Variants in GTF2H5 observed in about 807,000 individuals in gnomAD.
GTF2H5 encodes the protein general transcription factor IIH subunit 5, also known as TFB5 ortholog.
A neutral mutation model predicts 7.1 loss-of-function variants in GTF2H5; 5 were observed. That is an observed-to-expected ratio of 0.71 (90% CI 0.37 to 1.49). The LOEUF is 1.49. GTF2H5 is among the 40% of genes most tolerant of loss of function. The pLI is 0.03. For missense variants in GTF2H5, 80 were observed against 83.0 expected (o/e 0.96, Z 0.14); for synonymous variants, 30 against 31.7 (o/e 0.95, Z 0.18).
At chr6:158,190,418 C>T (rs1431864509) in intron 2 of GTF2H5, among the ~76,000 whole-genome samples, 2 of 152,192 alleles carry the variant, frequency 1.3e-5, no homozygotes. Context: ...TTACCACCTA[C>T]ATCAAAATCA....
chr6:158,175,921 C>T (rs1785926784), intron 2 of GTF2H5, among the ~76,000 whole-genome samples: 1 of 152,156 alleles, frequency 6.6e-6, no homozygotes, highest in Non-Finnish European at 1.5e-5. Context: ...AGGGAAATGA[C>T]ACTGTACAAT....
chr6:158,175,515 A>G (rs546868466), intron 2 of GTF2H5, among the ~76,000 whole-genome samples: 1 of 152,308 alleles, frequency 6.6e-6, no homozygotes, highest in South Asian at 2.1e-4. Flanking sequence ...TGTAATCCCA[A>G]CACTTCAGGA....
At chr6:158,170,204 A>G (rs749777346) in intron 1 of GTF2H5, among the ~76,000 whole-genome samples, 3 of 152,160 alleles carry the variant, frequency 2.0e-5, no homozygotes, top group Non-Finnish European at 4.4e-5. Flanking sequence ...ACACTGGTGT[A>G]GAGTTAGGCC....
At chr6:158,191,020 G>C (rs1439425981) in intron 2 of GTF2H5, 1 of 466,694 alleles carries the variant, frequency 2.1e-6, no homozygotes, top group Non-Finnish European at 4.2e-6. Flanking sequence ...AATTGAATTT[G>C]GACCTCTTTC....
intron 2 of GTF2H5, among the ~76,000 whole-genome samples, chr6:158,188,391 G>A (rs997142802): frequency 2.0e-5 from 3 of 152,146 alleles, no homozygotes; most frequent in Non-Finnish European, 2.9e-5. Flanking sequence ...AAAAACAATG[G>A]TTTTCAAGAA....
At position 158,188,560 on chromosome 6, in the gene GTF2H5, A is replaced by G. The variant is rs377695477; in HGVS notation, c.36-3417A>G. 7.2e-5 allele frequency among the ~76,000 whole-genome samples: 11 copies of G among 152,182 alleles called. No homozygotes were observed. In the East Asian group the frequency reaches 7.7e-4, roughly 11 times the overall value. On this transcript the variant is annotated intron_variant, in intron 2 of 2. Transcript: ENST00000607778. ...ATGTTTCCACCTGTGCTCTTTGTCA[A>G]TAATTAATCAATTGTTTACCTCTGA... is the stretch of plus-strand genomic sequence containing the variant.
In GTF2H5 at chr6:158,197,602, G is replaced by A. The variant is rs1466660233; in HGVS notation, c.*5445G>A. The stretch of plus-strand genomic sequence containing the variant: ...CATTTTGCTTGTTGACTTTTTGGAG[G>A]GCCAAATAAAGATATCATCTGCTTA... On this transcript the variant is annotated 3_prime_UTR_variant, in exon 3 of 3. Coordinates refer to ENST00000607778, the MANE Select transcript of GTF2H5 (RefSeq NM_207118.3). The A allele has an allele frequency of 1.3e-5, 2 of 151,956 alleles. No individual in the cohort carries two copies. Among genetic ancestry groups the A allele is most frequent in the African/African-American group, 2.4e-5 (1 of 41,342 alleles). 9.4% of individuals were successfully genotyped at this position (151,956 alleles called of 1,614,324 possible).
rs1162064046 is a variant in GTF2H5 at position 158,194,233 on chromosome 6, T to C, written c.*2076T>C. 1.3e-5 allele frequency: 2 copies of C among 152,176 alleles called. No homozygotes were observed. Among genetic ancestry groups the C allele is most frequent in the African/African-American group, 4.8e-5 (2 of 41,446 alleles). The allele number at this position is 152,176 out of a possible 1,614,324, so 9.4% of individuals were successfully genotyped here. A position where few individuals can be genotyped will look rare whatever the true frequency, so the allele number is the denominator to read the frequency against. On this transcript the variant is annotated 3_prime_UTR_variant, in exon 3 of 3. Coordinates refer to ENST00000607778, the MANE Select transcript of GTF2H5 (RefSeq NM_207118.3). ...TATGAGAAAACTATTGAACAGTGACTGTGTTGTACCCGAGCAAGTTAGAGG... is the reference window on the plus strand; with the variant it reads ...TATGAGAAAACTATTGAACAGTGACCGTGTTGTACCCGAGCAAGTTAGAGG...
intron 2 of GTF2H5, among the ~76,000 whole-genome samples, chr6:158,185,370 T>C (rs1776902116): frequency 6.6e-6 from 1 of 151,890 alleles, no homozygotes; most frequent in South Asian, 2.1e-4. Context: ...TGAAACCCCA[T>C]TTCTACAAAA....
intron 2 of GTF2H5, among the ~76,000 whole-genome samples, chr6:158,186,403 C>T (rs1745431165): frequency 6.6e-6 from 1 of 152,190 alleles, no homozygotes; most frequent in African/African-American, 2.4e-5. Flanking sequence ...AAATTGGTGT[C>T]ATCTGAATGT....
At chr6:158,182,429 T>G (rs1307681935) in intron 2 of GTF2H5, among the ~76,000 whole-genome samples, 1 of 152,252 alleles carries the variant, frequency 6.6e-6, no homozygotes, top group Non-Finnish European at 1.5e-5. Context: ...CCTGCCTTGC[T>G]AGGTTGGGGA....
intron 1 of GTF2H5, among the ~76,000 whole-genome samples, chr6:158,169,467 T>TTATATATAATATAC (rs1562468234): frequency 2.0e-4 from 13 of 64,428 alleles, no homozygotes; most frequent in African/African-American, 1.1e-3. Flanking sequence ...ATATATTATA[T>TTATATATAATATAC]TGTATATTAT....
At chr6:158,183,898 A>G (rs1456173933) in intron 2 of GTF2H5, among the ~76,000 whole-genome samples, 2 of 152,154 alleles carry the variant, frequency 1.3e-5, no homozygotes, top group African/African-American at 2.4e-5. Context: ...CTCGCCCTCC[A>G]TGGGCTGCAC....
intron 2 of GTF2H5, among the ~76,000 whole-genome samples, chr6:158,177,384 T>C (rs1433061222): frequency 6.6e-6 from 1 of 152,208 alleles, no homozygotes; most frequent in Non-Finnish European, 1.5e-5. Context: ...CAGATGAGGC[T>C]TTTATTTCAG....
At chr6:158,185,153 T>C (rs1195667453) in intron 2 of GTF2H5, among the ~76,000 whole-genome samples, 3 of 152,076 alleles carry the variant, frequency 2.0e-5, no homozygotes, top group African/African-American at 4.8e-5. Context: ...GTGTCTTTTT[T>C]TTTTTTTTAA....
chr6:158,178,420 G>GCACTC (rs1005815740), intron 2 of GTF2H5, among the ~76,000 whole-genome samples: 2 of 133,332 alleles, frequency 1.5e-5, no homozygotes, highest in African/African-American at 2.9e-5. Context: ...TTGTGCCACT[G>GCACTC]CACTCCAGCC....
chr6:158,175,096 G>A (rs1785916742), intron 2 of GTF2H5, among the ~76,000 whole-genome samples: 1 of 137,972 alleles, frequency 7.2e-6, no homozygotes, highest in Non-Finnish European at 1.6e-5. Context: ...GTAAATATTT[G>A]TGTACTGAAT....
intron 2 of GTF2H5, among the ~76,000 whole-genome samples, chr6:158,175,562 G>A (rs1306224969): frequency 6.6e-6 from 1 of 152,180 alleles, no homozygotes; most frequent in East Asian, 1.9e-4. Context: ...TCAGGAGTTT[G>A]AGACCAGCCT....
At chr6:158,178,630 T>G (rs1193795303) in intron 2 of GTF2H5, among the ~76,000 whole-genome samples, 1 of 152,230 alleles carries the variant, frequency 6.6e-6, no homozygotes, top group Non-Finnish European at 1.5e-5. Flanking sequence ...TATATATCTG[T>G]TGGCTGCATA....
Sources: allele counts gnomAD v4.1 joint callset (sites outside exome capture counted in the v4.1 genomes callset), GRCh38; gene constraint gnomAD v4.1.1; transcripts MANE v1.5; gene names NCBI Gene and HGNC (gene_info 2026-07-23, HGNC 2026-07-21).